Variants in ADAM28 observed in about 807,000 individuals in gnomAD.
The protein encoded by ADAM28 is disintegrin and metalloproteinase domain-containing protein 28.
A neutral mutation model predicts 101.2 loss-of-function variants in ADAM28; 105 were observed. The ratio of observed to expected loss-of-function variants is 1.04; its 90% CI spans 0.89 to 1.22. ADAM28 has a LOEUF of 1.22. Among genes scored for constraint, ADAM28 ranks in the 50% most tolerant of loss-of-function variants. The pLI, the probability that ADAM28 is intolerant of heterozygous loss-of-function variation, is 0.00. For synonymous variants in ADAM28, 322 were observed against 310.6 expected (o/e 1.04, Z -0.39); for missense variants, 1,028 against 945.4 (o/e 1.09, Z -1.15).
At chr8:24,333,186 G>A (rs1029130927) in intron 13 of ADAM28, among the ~76,000 whole-genome samples, 16 of 152,130 alleles carry the variant, frequency 1.1e-4, no homozygotes, top group Admixed American at 6.6e-5. Context: ...ATGGGGAGAT[G>A]ATGGTCAAAA....
At position 24,351,303 on chromosome 8, in the gene ADAM28, C is replaced by T; in HGVS notation, c.2171C>T (p.Pro724Leu). The change falls in exon 20 of 23, where the codon CCC becomes CTC. Residue 724 changes from proline to leucine, a missense_variant. By Grantham distance (98) the Pro-to-Leu change is moderately conservative. Transcript: ENST00000265769. ...RKPQMVKAVQ[P>L]QEMSQMKPHV... is the part of the protein sequence containing the mutation. ...CCCCAGATGGTAAAGGCTGTTCAAC[C>T]CCAAGAGGTGAACTATATAGTCTGG... 6.2e-7 allele frequency: 1 copy of T among 1,613,390 alleles called. No homozygotes were observed. The highest frequency in any genetic ancestry group is 8.5e-7 in the Non-Finnish European group (1 of 1,179,486).
In ADAM28 at chr8:24,349,864, A is replaced by T; in HGVS notation, c.1991A>T (p.His664Leu). The change falls in exon 19 of 23, where the codon CAC becomes CTC. Residue 664 changes from histidine (H) to leucine (L), a missense_variant and splice_region_variant. Coordinates refer to ENST00000265769, the MANE Select transcript of ADAM28 (RefSeq NM_014265.6). ...PDCDDSSVVF[H>L]FSIVVGVLFP... ...AGCGGGCCCCTGTTCTCTGCTGCAG[A>T]CTTCTCCATTGTGGTTGGGGTGCTG... 1 of 1,613,448 alleles carries T rather than the reference A, an allele frequency of 6.2e-7. No individual in the cohort carries two copies. Among genetic ancestry groups the T allele is most frequent in the South Asian group, 1.1e-5 (1 of 91,060 alleles).
At position 24,331,208 on chromosome 8, in the gene ADAM28, G is replaced by A; in HGVS notation, c.1162G>A (p.Glu388Lys). 1 of 1,613,308 alleles carries A rather than the reference G, an allele frequency of 6.2e-7. No individual in the cohort carries two copies. The change falls in exon 12 of 23, where the codon GAA (glutamate) becomes AAA (lysine). Residue 388 changes from glutamate to lysine, a missense_variant. Glu to Lys is a moderately conservative substitution (Grantham distance 56). Coordinates refer to ENST00000265769, the MANE Select transcript of ADAM28 (RefSeq NM_014265.6). ...CSRLSYDKFFEDKLSNCLFNA... is the reference protein window; with the variant it reads ...CSRLSYDKFFKDKLSNCLFNA... ...CCGTCTCAGCTATGACAAGTTTTTT[G>A]AAGATAAATTATCAAATTGCCTCTT...
At chr8:24,309,819 G>T in intron 2 of ADAM28, 75 bp from the exon 3 acceptor site, 2 of 1,126,444 alleles carry the variant, frequency 1.8e-6, no homozygotes, top group South Asian at 2.8e-5. Flanking sequence ...GCTTGCTAAT[G>T]ACTACACAGA....
chr8:24,320,348 A>G, intron 7 of ADAM28, 41 bp downstream of exon 7: 1 of 1,265,576 alleles, frequency 7.9e-7, no homozygotes. Flanking sequence ...CAAAACTCCC[A>G]CCCACATATA....
intron 21 of ADAM28, among the ~76,000 whole-genome samples, chr8:24,352,843 G>A (rs569162819): frequency 2.6e-5 from 4 of 152,166 alleles, no homozygotes; most frequent in African/African-American, 7.2e-5. Context: ...GAATGTAAAT[G>A]TTTTATCCTT....
At chr8:24,315,894 T>C (rs947417038) in intron 6 of ADAM28, among the ~76,000 whole-genome samples, 3 of 151,828 alleles carry the variant, frequency 2.0e-5, no homozygotes, top group East Asian at 1.9e-4. Flanking sequence ...ATCAACAGAC[T>C]GAAAGACAAA....
intron 19 of ADAM28, 76 bp from the exon 20 acceptor site, chr8:24,351,156 G>C: frequency 8.2e-7 from 1 of 1,219,214 alleles, no homozygotes; most frequent in South Asian, 1.7e-5. Flanking sequence ...AAGAAGTTGG[G>C]AATCTTCTAC....
chr8:24,343,253 A>G (rs890015978), intron 17 of ADAM28, 72 bp downstream of exon 17: 3 of 1,539,792 alleles, frequency 1.9e-6, no homozygotes, highest in African/African-American at 2.7e-5. Context: ...TAAGAAAGCT[A>G]AAGGAATATT....
intron 22 of ADAM28, 124 bp from the exon 23 acceptor site, chr8:24,354,260 C>T: frequency 1.2e-6 from 1 of 824,726 alleles, no homozygotes; most frequent in Non-Finnish European, 1.9e-6. Flanking sequence ...TTTGCTGTAT[C>T]AAGTGACCTA....
rs1415656530 is a variant in ADAM28 at position 24,353,841 on chromosome 8, T to A, written c.2307+9T>A. On this transcript the variant is annotated intron_variant, in intron 22 of 22. Coordinates refer to ENST00000265769, the MANE Select transcript of ADAM28 (RefSeq NM_014265.6). ...CAGTGTCTACACCTAAGGTAAGAGA[T>A]CTATAGCCAAATTATTATATTCTTG... 6.7e-7 allele frequency: 1 copy of A among 1,488,216 alleles called. No homozygotes were observed. Among genetic ancestry groups the A allele is most frequent in the Non-Finnish European group, 9.4e-7 (1 of 1,068,700 alleles). The allele number at this position is 1,488,216 out of a possible 1,614,324, so 92.2% of individuals were successfully genotyped here.
intron 2 of ADAM28, among the ~76,000 whole-genome samples, chr8:24,309,112 A>G (rs1810089788): frequency 6.6e-6 from 1 of 152,204 alleles, no homozygotes; most frequent in Non-Finnish European, 1.5e-5. Flanking sequence ...CATCTTCTTT[A>G]AAATAATTCT....
At chr8:24,308,904 C>T (rs1468087040) in intron 2 of ADAM28, 1 of 329,540 alleles carries the variant, frequency 3.0e-6, no homozygotes, top group South Asian at 2.4e-5. Flanking sequence ...AGAAGGAAGG[C>T]TTGAGCTTAG....
At chr8:24,345,571 C>A (rs1439200600) in intron 18 of ADAM28, among the ~76,000 whole-genome samples, 1 of 151,782 alleles carries the variant, frequency 6.6e-6, no homozygotes, top group Admixed American at 6.6e-5. Context: ...ATCTGTCTAG[C>A]TTTTTTACAG....
chr8:24,347,435 C>T (rs7017800), intron 18 of ADAM28, among the ~76,000 whole-genome samples: 150,819 of 152,088 alleles, frequency 0.99, 74,787 homozygotes, highest in East Asian at 1. Flanking sequence ...TTATATTCTC[C>T]GGAAGAATTT....
intron 2 of ADAM28, among the ~76,000 whole-genome samples, chr8:24,301,867 G>T (rs571244487): frequency 6.6e-6 from 1 of 152,284 alleles, no homozygotes; most frequent in Non-Finnish European, 1.5e-5. Flanking sequence ...TGACCAGTTT[G>T]TTGTATCGTT....
intron 22 of ADAM28, 26 bp downstream of exon 22, chr8:24,353,858 A>G: frequency 7.0e-7 from 1 of 1,425,774 alleles, no homozygotes; most frequent in Non-Finnish European, 9.8e-7. Context: ...CCAAATTATT[A>G]TATTCTTGTA....
Position 24,329,857 on chromosome 8 carries a change from G to A in ADAM28, c.973-128G>A, listed in dbSNP as rs981763035. On this transcript the variant is annotated intron_variant, in intron 10 of 22. Coordinates refer to ENST00000265769, the MANE Select transcript of ADAM28 (RefSeq NM_014265.6). ...TCTCTCTCTCTTGCTCTGTGTGTGT[G>A]TGTGTGTGTGTTTGTGTGTGTGTGT... 3.4e-5 allele frequency: 30 copies of A among 888,806 alleles called. No homozygotes were observed. The Admixed American group carries it at 4.0e-4, about 12-fold the overall frequency. The allele number at this position is 888,806 out of a possible 1,614,324, so 55.1% of individuals were successfully genotyped here. A position where few individuals can be genotyped will look rare whatever the true frequency, so the allele number is the denominator to read the frequency against.
chr8:24,327,175 G>A (rs1296680334), intron 10 of ADAM28, among the ~76,000 whole-genome samples: 1 of 152,078 alleles, frequency 6.6e-6, no homozygotes, highest in East Asian at 1.9e-4. Flanking sequence ...ATATCCTTAA[G>A]CTGGTAAGCA....
Sources: gnomAD v4.1 joint callset for allele counts (sites outside exome capture counted in the v4.1 genomes callset) on GRCh38, gnomAD v4.1.1 for gene constraint, MANE v1.5 for transcripts, NCBI Gene and HGNC (gene_info 2026-07-23, HGNC 2026-07-21) for gene names.